DGKB: variants seen among roughly 807,000 people sequenced by gnomAD.
The protein encoded by DGKB is diacylglycerol kinase beta.
Under a neutral mutation model 114.3 loss-of-function variants are expected in DGKB, and 67 were observed. The observed-to-expected ratio is 0.59, with a 90% CI of 0.48 to 0.72. DGKB has a LOEUF of 0.72. DGKB is among the 30% of genes least tolerant of loss of function. The pLI is 0.00. For missense variants in DGKB, 907 were observed against 975.2 expected, an observed-to-expected ratio of 0.93 and a Z score of 0.93; for synonymous variants, 398 against 323.1, an observed-to-expected ratio of 1.23 and a Z score of -2.49.
intron 23 of DGKB, among the ~76,000 whole-genome samples, chr7:14,304,087 A>ACACACACACTCTCTCTCT (rs140836395): frequency 3.6e-4 from 40 of 110,118 alleles, no homozygotes; most frequent in East Asian, 8.3e-4. Flanking sequence ...ACACACACAC[A>ACACACACACTCTCTCTCT]CTCTCTCTCT....
intron 23 of DGKB, among the ~76,000 whole-genome samples, chr7:14,258,282 G>C (rs931269627): frequency 6.6e-6 from 1 of 152,208 alleles, no homozygotes; most frequent in Non-Finnish European, 1.5e-5. Context: ...TGTGTGTTAA[G>C]AATAGAGGTA....
intron 17 of DGKB, among the ~76,000 whole-genome samples, chr7:14,593,248 T>C (rs1801990858): frequency 5.3e-5 from 8 of 151,896 alleles, no homozygotes; most frequent in Admixed American, 5.3e-4. Flanking sequence ...CAGACTGAAA[T>C]GACAAAAGAG....
chr7:14,332,166 C>T (rs531346119), intron 23 of DGKB, among the ~76,000 whole-genome samples: 31 of 152,228 alleles, frequency 2.0e-4, no homozygotes, highest in African/African-American at 6.0e-4. Context: ...GCATTTGCTA[C>T]GTACTGGCCC....
intron 15 of DGKB, 140 bp from the exon 16 acceptor site, chr7:14,613,553 G>T: frequency 1.8e-6 from 1 of 569,950 alleles, no homozygotes; most frequent in African/African-American, 1.9e-5. Flanking sequence ...GTGCATGTGT[G>T]TGTGAGTGTG....
At chr7:14,774,312 G>A (rs1380857652) in intron 2 of DGKB, among the ~76,000 whole-genome samples, 2 of 152,170 alleles carry the variant, frequency 1.3e-5, no homozygotes, top group African/African-American at 2.4e-5. Context: ...TACCTTGCAA[G>A]AACTTTGCCT....
At chr7:14,177,962 T>C in intron 24 of DGKB, 69 bp downstream of exon 24, 1 of 1,442,156 alleles carries the variant, frequency 6.9e-7, no homozygotes. Context: ...ATCAGAGTTC[T>C]GCATACTTTT....
intron 23 of DGKB, among the ~76,000 whole-genome samples, chr7:14,202,289 G>A (rs1786019542): frequency 6.6e-6 from 1 of 151,958 alleles, no homozygotes; most frequent in South Asian, 2.1e-4. Context: ...CAGAGAAGAT[G>A]AATGGTTTGC....
rs146903162 is a variant in DGKB at position 14,522,542 on chromosome 7, G to A, written c.1771-44317C>T. Among the ~76,000 whole-genome samples the A allele has an allele frequency of 8.3e-3, 1,262 of 152,234 alleles. 12 individuals carry two copies. The highest frequency in any genetic ancestry group is 0.017 in the Middle Eastern group (5 of 294). On this transcript the variant is annotated intron_variant, in intron 20 of 25. Coordinates refer to ENST00000402815, the MANE Select transcript of DGKB (RefSeq NM_001350709.2). ...AAACTGGTGATACTCCAAATCAAAC[G>A]AGCCCTTTCGGCAGTGGCAGCAAGC... is the stretch of plus-strand genomic sequence containing the variant.
chr7:14,331,871 T>A (rs1809772481), intron 23 of DGKB, among the ~76,000 whole-genome samples: 1 of 152,176 alleles, frequency 6.6e-6, no homozygotes. Flanking sequence ...TAAAGTCACT[T>A]GAGTAGAGAT....
chr7:14,170,318 G>T (rs940188535), intron 25 of DGKB, among the ~76,000 whole-genome samples: 19 of 152,128 alleles, frequency 1.2e-4, no homozygotes, highest in Non-Finnish European at 5.9e-5. Context: ...CAAGTTACTT[G>T]ACTTCTCTGG....
At chr7:14,219,288 A>T (rs1275749414) in intron 23 of DGKB, among the ~76,000 whole-genome samples, 5 of 151,852 alleles carry the variant, frequency 3.3e-5, no homozygotes, top group Admixed American at 3.3e-4. Flanking sequence ...CTGACCTAAG[A>T]TTGGAATTGC....
chr7:14,518,791 T>C (rs777799760), intron 20 of DGKB, among the ~76,000 whole-genome samples: 3 of 151,990 alleles, frequency 2.0e-5, no homozygotes, highest in Non-Finnish European at 2.9e-5. Flanking sequence ...TCTATTACTA[T>C]AGGAATTTAT....
intron 17 of DGKB, among the ~76,000 whole-genome samples, chr7:14,591,542 C>CT (rs951355826): frequency 6.6e-5 from 10 of 151,912 alleles, no homozygotes; most frequent in East Asian, 3.9e-4. Context: ...TCAGACACTT[C>CT]TTTTTTTATC....
rs1562523217 is a variant in DGKB, at chr7:14,170,149, G to GAAAGAAAGAAAGAAAGAAAGAAAAGA, written c.2304+6689_2304+6690insTCTTTTCTTTCTTTCTTTCTTTCTTT. ...AACTCCATCTCAAAAAAAAAAAAAA[G>GAAAGAAAGAAAGAAAGAAAGAAAAGA]AAAGAAAGAAAGAAAGAAAGAAAGA... On this transcript the variant is annotated intron_variant, in intron 25 of 25. Coordinates refer to ENST00000402815, the MANE Select transcript of DGKB (RefSeq NM_001350709.2). Among the ~76,000 whole-genome samples, 99 of 26,562 alleles carry GAAAGAAAGAAAGAAAGAAAGAAAAGA rather than the reference G, an allele frequency of 3.7e-3. 1 individual carries two copies. Among genetic ancestry groups the GAAAGAAAGAAAGAAAGAAAGAAAAGA allele is most frequent in the Admixed American group, 1.5e-3 (3 of 1,974 alleles). 17.4% of individuals were successfully genotyped at this position (26,562 alleles called of 152,430 possible). A position where few individuals can be genotyped will look rare whatever the true frequency, so the allele number is the denominator to read the frequency against.
intron 21 of DGKB, among the ~76,000 whole-genome samples, chr7:14,464,399 T>C (rs1833539803): frequency 6.6e-6 from 1 of 151,972 alleles, no homozygotes; most frequent in Non-Finnish European, 1.5e-5. Context: ...TAAGACAAAG[T>C]TAGTAAAAGT....
At chr7:14,477,270 G>C (rs1219742828) in intron 21 of DGKB, among the ~76,000 whole-genome samples, 2 of 152,168 alleles carry the variant, frequency 1.3e-5, no homozygotes, top group Non-Finnish European at 2.9e-5. Context: ...ATAAATTTAA[G>C]AATGTCCAGG....
At chr7:14,195,101 T>C (rs1002408968) in intron 23 of DGKB, among the ~76,000 whole-genome samples, 5 of 152,180 alleles carry the variant, frequency 3.3e-5, no homozygotes, top group Non-Finnish European at 5.9e-5. Context: ...TGGTGTAAAC[T>C]AGTGGTGAAT....
chr7:14,670,015 T>C (rs1234987581), intron 13 of DGKB, among the ~76,000 whole-genome samples: 2 of 152,152 alleles, frequency 1.3e-5, no homozygotes, highest in African/African-American at 4.8e-5. Context: ...TCCACTGTTC[T>C]ATGTCTAGTG....
At chr7:14,656,471 T>C (rs1278048640) in intron 13 of DGKB, among the ~76,000 whole-genome samples, 4 of 151,634 alleles carry the variant, frequency 2.6e-5, no homozygotes, top group Admixed American at 6.6e-5. Context: ...CTAATTAATC[T>C]TCTTGACAGT....
Sources: gnomAD v4.1 joint callset for allele counts (sites outside exome capture counted in the v4.1 genomes callset) on GRCh38, gnomAD v4.1.1 for gene constraint, MANE v1.5 for transcripts, NCBI Gene and HGNC (gene_info 2026-07-23, HGNC 2026-07-21) for gene names.